Variants in CCSER2 observed in about 807,000 individuals in gnomAD.
The protein encoded by CCSER2 is coiled-coil serine rich protein 2, also known as serine-rich coiled-coil domain-containing protein 2.
CCSER2 carries 46 observed loss-of-function variants against 92.3 expected under a neutral mutation model. The observed-to-expected ratio is 0.50, with a 90% CI of 0.39 to 0.64. The LOEUF (loss-of-function observed/expected upper bound fraction) is 0.64. Among genes scored for constraint, CCSER2 ranks in the 30% least tolerant of loss-of-function variants. CCSER2 has a pLI of 0.00. For missense variants in CCSER2, 1,244 were observed against 1,238.9 expected, an observed-to-expected ratio of 1.00 and a Z score of -0.06; for synonymous variants, 433 against 431.4, an observed-to-expected ratio of 1.00 and a Z score of -0.04.
chr10:84,347,432 G>A (rs1420830198), intron 1 of CCSER2, among the ~76,000 whole-genome samples: 6 of 150,890 alleles, frequency 4.0e-5, no homozygotes, highest in Middle Eastern at 6.7e-3. Context: ...CCTCCCTCCC[G>A]GACGGGTCGG....
rs1035274611 is a variant in CCSER2 at position 84,510,717 on chromosome 10, C to G, written c.2326-2732C>G. Among the ~76,000 whole-genome samples the G allele has an allele frequency of 2.0e-5, 3 of 152,152 alleles. 1 individual carries two copies. Among genetic ancestry groups the G allele is most frequent in the Non-Finnish European group, 4.4e-5 (3 of 68,034 alleles). The stretch of plus-strand genomic sequence containing the variant: ...TTAGTATTTGGGGAAATTGTAGCAA[C>G]AAGCCATCAGAACACATCTCTGCCT... On this transcript the variant is annotated intron_variant, in intron 9 of 9. Transcript: ENST00000372088.
At chr10:84,386,396 C>T (rs1030720713) in intron 3 of CCSER2, among the ~76,000 whole-genome samples, 1 of 152,112 alleles carries the variant, frequency 6.6e-6, no homozygotes, top group Non-Finnish European at 1.5e-5. Flanking sequence ...GTATATACAC[C>T]ATGGAATACT....
rs1451568395 is a variant in CCSER2 at position 84,391,797 on chromosome 10, G to A, written c.1614+17982G>A. 6.4e-6 allele frequency: 10 copies of A among 1,566,418 alleles called. No individual in the cohort carries two copies. In the South Asian group the frequency reaches 8.9e-5, roughly 14 times the overall value. The stretch of plus-strand genomic sequence containing the variant: ...TTCTGAGAAACATAAGAGACAATGA[G>A]GAAAAGGATTCAGCATTCCGTGGAA... On this transcript the variant is annotated intron_variant, in intron 3 of 9. Coordinates refer to ENST00000372088, the MANE Select transcript of CCSER2 (RefSeq NM_001284240.2).
chr10:84,412,719 A>T (rs1273996766), intron 3 of CCSER2, among the ~76,000 whole-genome samples: 1 of 152,086 alleles, frequency 6.6e-6, no homozygotes, highest in Non-Finnish European at 1.5e-5. Flanking sequence ...GGTGGTGAGG[A>T]TGTGGGGGTT....
intron 4 of CCSER2, among the ~76,000 whole-genome samples, chr10:84,419,727 A>G (rs1843047948): frequency 6.6e-6 from 1 of 152,202 alleles, no homozygotes; most frequent in Non-Finnish European, 1.5e-5. Flanking sequence ...GAGGAAGAAC[A>G]AGGAAAATGA....
intron 1 of CCSER2, among the ~76,000 whole-genome samples, chr10:84,347,602 C>A (rs901883796): frequency 4.6e-5 from 7 of 151,372 alleles, no homozygotes; most frequent in African/African-American, 1.5e-4. Flanking sequence ...CGGGGGCTGA[C>A]CCTCACCTCC....
intron 1 of CCSER2, among the ~76,000 whole-genome samples, chr10:84,341,135 G>A (rs1017798328): frequency 1.1e-4 from 16 of 148,708 alleles, no homozygotes; most frequent in African/African-American, 3.7e-4. Flanking sequence ...TAACCTCCTG[G>A]ACTCAAGTGA....
rs1424853130 is a variant in CCSER2 at position 84,371,219 on chromosome 10, C to T, written c.167C>T (p.Ser56Phe). Residue 56 changes from serine to phenylalanine, a missense_variant, in exon 2 of 10, where the codon TCT becomes TTT. Coordinates refer to ENST00000372088, the MANE Select transcript of CCSER2 (RefSeq NM_001284240.2). ...AAAAGTTACATCAAAAATAATGGCT[C>T]TGATTGTCCATCATCTCATTCATTT... ...NVKSYIKNNGSDCPSSHSFNW... is the reference protein window; with the variant it reads ...NVKSYIKNNGFDCPSSHSFNW... 6 of 1,613,336 alleles carry T rather than the reference C, an allele frequency of 3.7e-6. No individual in the cohort carries two copies. The highest frequency in any genetic ancestry group is 1.7e-5 in the Admixed American group (1 of 59,900).
At position 84,457,403 on chromosome 10, in the gene CCSER2, AT is replaced by A. The variant is rs1170511043; in HGVS notation, c.2065-6529del. 4.6e-3 allele frequency among the ~76,000 whole-genome samples: 376 copies of A among 82,092 alleles called. 2 individuals carry two copies. The highest frequency in any genetic ancestry group is 7.0e-3 in the Non-Finnish European group (320 of 45,980). The allele number at this position is 82,092 out of a possible 152,430, so 53.9% of individuals were successfully genotyped here. A position where few individuals can be genotyped will look rare whatever the true frequency, so the allele number is the denominator to read the frequency against. On this transcript the variant is annotated intron_variant, in intron 6 of 9. Transcript: ENST00000372088. The stretch of plus-strand genomic sequence containing the variant: ...TTTAAATATATATTTATTTAAATAT[AT>A]ATTTTAAAAAATATATTTAAAATTA...
intron 3 of CCSER2, among the ~76,000 whole-genome samples, chr10:84,390,083 C>T (rs11201020): frequency 1.3e-5 from 2 of 152,040 alleles, no homozygotes; most frequent in South Asian, 2.1e-4. Context: ...TATATATATA[C>T]ATATATACTT....
intron 8 of CCSER2, among the ~76,000 whole-genome samples, chr10:84,476,957 C>T (rs1847185307): frequency 2.0e-5 from 3 of 152,122 alleles, no homozygotes; most frequent in Admixed American, 2.0e-4. Flanking sequence ...AAAGAGGCTT[C>T]ATCACACTGC....
At chr10:84,370,003 A>G (rs1027170053) in intron 1 of CCSER2, among the ~76,000 whole-genome samples, 8 of 152,196 alleles carry the variant, frequency 5.3e-5, no homozygotes, top group East Asian at 3.9e-4. Flanking sequence ...CCTTTGCTCT[A>G]TGTATGTACT....
At chr10:84,452,633 A>G (rs1391660391) in intron 6 of CCSER2, among the ~76,000 whole-genome samples, 2 of 152,116 alleles carry the variant, frequency 1.3e-5, no homozygotes, top group Admixed American at 1.3e-4. Context: ...TTCAGTTGCT[A>G]TGGATTTTTT....
intron 1 of CCSER2, among the ~76,000 whole-genome samples, chr10:84,369,202 G>C (rs1845938203): frequency 6.6e-6 from 1 of 150,924 alleles, no homozygotes; most frequent in Non-Finnish European, 1.5e-5. Context: ...TGAGATTGCT[G>C]GATCAAATGG....
intron 3 of CCSER2, among the ~76,000 whole-genome samples, chr10:84,401,857 T>C (rs1226725944): frequency 6.6e-6 from 1 of 152,202 alleles, no homozygotes; most frequent in Non-Finnish European, 1.5e-5. Flanking sequence ...AGGCAGGCCA[T>C]AGTCACCCTT....
At chr10:84,386,598 G>A (rs11596916) in intron 3 of CCSER2, among the ~76,000 whole-genome samples, 22,939 of 152,110 alleles carry the variant, frequency 0.15, 1,853 homozygotes, top group Admixed American at 0.24. Context: ...AAATGCCTGC[G>A]ATCCCAGCTA....
intron 7 of CCSER2, among the ~76,000 whole-genome samples, chr10:84,465,827 T>C (rs1846388263): frequency 6.6e-6 from 1 of 152,078 alleles, no homozygotes; most frequent in African/African-American, 2.4e-5. Context: ...CTTGGCTCAC[T>C]GCAAGCTCAG....
At chr10:84,438,763 A>G (rs1589666877) in intron 6 of CCSER2, 56 bp downstream of exon 6, 3 of 1,139,564 alleles carry the variant, frequency 2.6e-6, no homozygotes, top group East Asian at 4.9e-5. Flanking sequence ...AAATGGATTG[A>G]CTTTAGTTTT....
At chr10:84,469,634 G>T (rs928594441) in intron 7 of CCSER2, among the ~76,000 whole-genome samples, 4 of 151,994 alleles carry the variant, frequency 2.6e-5, no homozygotes, top group Non-Finnish European at 4.4e-5. Context: ...TTCTCTTTTG[G>T]ATAACTGAAT....
Sources: gnomAD v4.1 joint callset for allele counts (sites outside exome capture counted in the v4.1 genomes callset) on GRCh38, gnomAD v4.1.1 for gene constraint, MANE v1.5 for transcripts, NCBI Gene and HGNC (gene_info 2026-07-23, HGNC 2026-07-21) for gene names.